The following STK32C variants were observed in gnomAD, a reference collection of about 807,000 sequenced individuals.
The protein encoded by STK32C is serine/threonine-protein kinase 32C.
In STK32C, 31 loss-of-function variants were observed where a neutral mutation model predicts 56.5. The ratio of observed to expected loss-of-function variants is 0.55; its 90% CI spans 0.41 to 0.74. The LOEUF (loss-of-function observed/expected upper bound fraction) is 0.74, where lower values mean the gene tolerates loss of function less well. STK32C is among the 30% of genes least tolerant of loss of function. STK32C has a pLI of 0.00. For synonymous variants in STK32C, 309 were observed against 289.4 expected (o/e 1.07, Z -0.69); for missense variants, 544 against 676.9 (o/e 0.80, Z 2.18).
intron 1 of STK32C, among the ~76,000 whole-genome samples, chr10:132,280,714 C>CACGCCCCTGCACTCCG (rs2065168713): frequency 8.2e-6 from 1 of 121,276 alleles, no homozygotes; most frequent in Non-Finnish European, 1.9e-5. Context: ...CCTCCACTCC[C>CACGCCCCTGCACTCCG]TGATCACACC....
At chr10:132,211,438 T>C (rs2062296557) in intron 10 of STK32C, among the ~76,000 whole-genome samples, 1 of 152,142 alleles carries the variant, frequency 6.6e-6, no homozygotes, top group Admixed American at 6.5e-5. Context: ...CATGTTTTCC[T>C]AGGCAGAGAG....
chr10:132,215,561 G>A (rs2062445819), intron 10 of STK32C, among the ~76,000 whole-genome samples: 1 of 152,000 alleles, frequency 6.6e-6, no homozygotes, highest in Non-Finnish European at 1.5e-5. Flanking sequence ...GCTCCTCCTT[G>A]CCTTCCGCCA....
At chr10:132,235,065 G>A (rs962692435) in intron 2 of STK32C, among the ~76,000 whole-genome samples, 3 of 151,978 alleles carry the variant, frequency 2.0e-5, no homozygotes, top group Non-Finnish European at 2.9e-5. Flanking sequence ...TCTGAGTGGT[G>A]TGAGCTGTGT....
In STK32C at chr10:132,209,016, C is replaced by T. The variant is rs761517166; in HGVS notation, c.1319+18G>A. On this transcript the variant is annotated intron_variant, in intron 11 of 11. Transcript: ENST00000298630. ...CCTCCTCTCTGCCACCACGCCCACC[C>T]ACCCCCAACACACTCACTTTTCTCT... The T allele has an allele frequency of 1.1e-5, 17 of 1,611,416 alleles. No individual in the cohort carries two copies. In the African/African-American group the frequency reaches 1.3e-4, roughly 13 times the overall value.
chr10:132,286,439 C>A (rs2065406706), intron 1 of STK32C, among the ~76,000 whole-genome samples: 1 of 152,158 alleles, frequency 6.6e-6, no homozygotes, highest in South Asian at 2.1e-4. Flanking sequence ...GTGAGGCCAG[C>A]ACATGCCTGA....
intron 2 of STK32C, among the ~76,000 whole-genome samples, chr10:132,242,694 T>C (rs2063548535): frequency 1.3e-5 from 2 of 152,166 alleles, no homozygotes; most frequent in Non-Finnish European, 2.9e-5. Context: ...CATCAGCCCT[T>C]GGGGCCCACC....
intron 1 of STK32C, among the ~76,000 whole-genome samples, chr10:132,289,238 C>T (rs2065497868): frequency 6.6e-6 from 1 of 152,122 alleles, no homozygotes; most frequent in Non-Finnish European, 1.5e-5. Context: ...AACCTCTACC[C>T]CCATTTCACA....
intron 1 of STK32C, among the ~76,000 whole-genome samples, chr10:132,305,247 G>A (rs977684981): frequency 7.2e-5 from 11 of 152,340 alleles, no homozygotes; most frequent in African/African-American, 2.6e-4. Flanking sequence ...TTCTGTACAT[G>A]CACCAAATAT....
At chr10:132,300,468 T>C (rs1400919257) in intron 1 of STK32C, among the ~76,000 whole-genome samples, 1 of 152,244 alleles carries the variant, frequency 6.6e-6, no homozygotes, top group Non-Finnish European at 1.5e-5. Context: ...CACCTCCGTC[T>C]GCACTCCTGC....
In STK32C at chr10:132,274,631, G is replaced by A. The variant is rs565076534; in HGVS notation, c.263-28676C>T. On this transcript the variant is annotated intron_variant, in intron 1 of 11. Transcript: ENST00000298630. ...TGCCCTCAGCCCACCAGGAGCCACGGACGCCGGATCCTCAGGCTGCACTGG... is the reference window on the plus strand; with the variant it reads ...TGCCCTCAGCCCACCAGGAGCCACGAACGCCGGATCCTCAGGCTGCACTGG... 3.3e-4 allele frequency among the ~76,000 whole-genome samples: 50 copies of A among 152,338 alleles called. 1 individual carries two copies. The South Asian group carries it at 0.01, about 31-fold the overall frequency.
chr10:132,307,558 G>C lies in STK32C; in HGVS notation c.262+14C>G. The C allele has an allele frequency of 6.5e-7, 1 of 1,544,266 alleles. No homozygotes were observed. Among genetic ancestry groups the C allele is most frequent in the African/African-American group, 1.4e-5 (1 of 69,836 alleles). On this transcript the variant is annotated intron_variant, in intron 1 of 11. Coordinates refer to ENST00000298630, the MANE Select transcript of STK32C (RefSeq NM_173575.4). The surrounding 1 kb of genome is among the most constrained non-coding windows in gnomAD (Gnocchi z 4.4). ...AGCGCGCGGCCCCCACGTCGTCCCC[G>C]TGCCCGCACTCACCGTCCTCCTTGT...
At chr10:132,292,034 C>CCCTGCAGGGGCCCAAGGCT (rs2065581330) in intron 1 of STK32C, among the ~76,000 whole-genome samples, 1 of 152,172 alleles carries the variant, frequency 6.6e-6, no homozygotes, top group Non-Finnish European at 1.5e-5. Context: ...TGGAGGCTTC[C>CCCTGCAGGGGCCCAAGGCT]CCTGCAGGGG....
At chr10:132,208,957 G>A (rs1168137012) in intron 11 of STK32C, 77 bp downstream of exon 11, 11 of 1,419,622 alleles carry the variant, frequency 7.7e-6, no homozygotes, top group Admixed American at 1.9e-5. Context: ...GCCCGCTCAC[G>A]TGGCCAAGAA....
chr10:132,215,902 C>A (rs2814201), intron 10 of STK32C, among the ~76,000 whole-genome samples: 1 of 152,184 alleles, frequency 6.6e-6, no homozygotes, highest in Non-Finnish European at 1.5e-5. Flanking sequence ...CCAGGCTGAG[C>A]TGGTCTCAGA....
chr10:132,268,756 T>A (rs1260943179), intron 1 of STK32C, among the ~76,000 whole-genome samples: 1 of 145,350 alleles, frequency 6.9e-6, no homozygotes, highest in Non-Finnish European at 1.5e-5. Context: ...TGTATGCAGG[T>A]TCAGCTCTAT....
rs2066111338 is a variant in STK32C, at chr10:132,307,410, C to T, written c.262+162G>A. Among the ~76,000 whole-genome samples the T allele has an allele frequency of 6.6e-6, 1 of 151,898 alleles. No homozygotes were observed. The highest frequency in any genetic ancestry group is 2.4e-5 in the African/African-American group (1 of 41,396). On this transcript the variant is annotated intron_variant, in intron 1 of 11. Transcript: ENST00000298630. The surrounding 1 kb of genome is among the most constrained non-coding windows in gnomAD (Gnocchi z 4.4). ...AGGACGCGGGCGGGCGCCCAGAACT[C>T]GCGTGGGGCCGCAGCCACCCGGCGC...
At chr10:132,245,829 G>A in intron 2 of STK32C, 71 bp downstream of exon 2, 3 of 1,481,304 alleles carry the variant, frequency 2.0e-6, no homozygotes, top group Non-Finnish European at 2.8e-6. Flanking sequence ...GGGCTCAGGG[G>A]ACAGCATGTC....
chr10:132,235,831 G>T (rs1178465083), intron 2 of STK32C, among the ~76,000 whole-genome samples: 1 of 152,214 alleles, frequency 6.6e-6, no homozygotes, highest in East Asian at 1.9e-4. Context: ...CAGTGTGATG[G>T]GATCGTAAAG....
chr10:132,286,424 AT>A (rs1454299867), intron 1 of STK32C, among the ~76,000 whole-genome samples: 1 of 152,260 alleles, frequency 6.6e-6, no homozygotes, highest in African/African-American at 2.4e-5. Flanking sequence ...CGCTCAACTC[AT>A]TTTGTGAGGC....
Sources: gnomAD v4.1 joint callset for allele counts (sites outside exome capture counted in the v4.1 genomes callset) on GRCh38, gnomAD v4.1.1 for gene constraint, Gnocchi (gnomAD v3.1) non-coding constraint, MANE v1.5 for transcripts, NCBI Gene and HGNC (gene_info 2026-07-23, HGNC 2026-07-21) for gene names.